Variants in SCAPER observed in about 807,000 individuals in gnomAD.
The protein encoded by SCAPER is S-phase cyclin A associated protein in the ER.
A neutral mutation model predicts 182.2 loss-of-function variants in SCAPER; 98 were observed. The ratio of observed to expected loss-of-function variants is 0.54; its 90% CI spans 0.46 to 0.64. SCAPER has a LOEUF of 0.64. Among genes scored for constraint, SCAPER ranks in the 30% least tolerant of loss-of-function variants. SCAPER has a pLI of 0.00. For missense variants in SCAPER, 1,432 were observed against 1,690.0 expected (o/e 0.85, Z 2.68); for synonymous variants, 605 against 564.6 (o/e 1.07, Z -1.01).
chr15:76,859,795 G>A (rs1385478653), intron 3 of SCAPER, among the ~76,000 whole-genome samples: 4 of 151,984 alleles, frequency 2.6e-5, no homozygotes, highest in Non-Finnish European at 4.4e-5. Flanking sequence ...GCAGTGGCGC[G>A]ATCTCGGCTC....
chr15:76,757,460 AC>A (rs2062514566), intron 14 of SCAPER, among the ~76,000 whole-genome samples: 3 of 148,806 alleles, frequency 2.0e-5, no homozygotes, highest in Admixed American at 2.0e-4. Context: ...ATATATACAC[AC>A]ACACACACAC....
intron 16 of SCAPER, 107 bp from the exon 17 acceptor site, chr15:76,728,844 C>G: frequency 8.3e-7 from 1 of 1,198,762 alleles, no homozygotes; most frequent in East Asian, 2.6e-5. Context: ...CAAGTAGAAA[C>G]ATGGGCTTGC....
chr15:76,705,763 T>C, intron 18 of SCAPER, 140 bp downstream of exon 18: 1 of 595,026 alleles, frequency 1.7e-6, no homozygotes, highest in South Asian at 2.7e-5. Context: ...AAGTTAGAAA[T>C]GATTGTAGCA....
intron 23 of SCAPER, among the ~76,000 whole-genome samples, chr15:76,562,652 C>T (rs1239120393): frequency 6.6e-6 from 1 of 152,164 alleles, no homozygotes; most frequent in Non-Finnish European, 1.5e-5. Flanking sequence ...AGCAACAAGA[C>T]TTTTATATAC....
At chr15:76,840,460 C>T (rs1038406731) in intron 5 of SCAPER, among the ~76,000 whole-genome samples, 2 of 150,114 alleles carry the variant, frequency 1.3e-5, no homozygotes, top group African/African-American at 4.9e-5. Context: ...ATAGTAACAA[C>T]ATTTAAGTGT....
chr15:76,505,139 A>C (rs895528297), intron 23 of SCAPER, among the ~76,000 whole-genome samples, 165 bp from the exon 24 acceptor site: 2 of 152,304 alleles, frequency 1.3e-5, no homozygotes, highest in Non-Finnish European at 2.9e-5. Flanking sequence ...AGTACTAGGA[A>C]ATATAGGTCA....
rs1192011833 is a variant in SCAPER, at chr15:76,357,817, G to A, written c.3856-3677C>T. On this transcript the variant is annotated intron_variant, in intron 29 of 31. Coordinates refer to ENST00000563290, the MANE Select transcript of SCAPER (RefSeq NM_020843.4). ...TGCAGCAACATGGATGGATCTGGAG[G>A]CCATTATCTTAAGTGAAATATTCAG... 2.0e-5 allele frequency among the ~76,000 whole-genome samples: 3 copies of A among 152,176 alleles called. No homozygotes were observed. In the East Asian group the frequency reaches 5.8e-4, roughly 29 times the overall value.
chr15:76,894,252 A>C (rs562295033), intron 1 of SCAPER, among the ~76,000 whole-genome samples: 1 of 60,130 alleles, frequency 1.7e-5, no homozygotes, highest in South Asian at 4.8e-4. Context: ...ATTTCAACTC[A>C]AAAAAAAAAA....
chr15:76,520,285 C>T lies in SCAPER; in HGVS notation c.2839-15311G>A, dbSNP rs1277790100. ...CCAAGCTGGAGTGCAGTGGTGTGAT[C>T]ATAGGTCACTGCAGCCTCCACCTCC... On this transcript the variant is annotated intron_variant, in intron 23 of 31. Transcript: ENST00000563290. 3.9e-5 allele frequency among the ~76,000 whole-genome samples: 6 copies of T among 152,162 alleles called. No homozygotes were observed. The South Asian group carries it at 1.2e-3, about 32-fold the overall frequency.
Position 76,866,242 on chromosome 15 carries a change from A to AGTGT in SCAPER, c.7-3713_7-3710dup, listed in dbSNP as rs375451190. On this transcript the variant is annotated intron_variant, in intron 2 of 31. Transcript: ENST00000563290. ...TCCTGTGAGACAGAGAGAGACACTGAGTGTGTGTGTGTGTGTGCGTGTGTG... is the reference window on the plus strand; with the variant it reads ...TCCTGTGAGACAGAGAGAGACACTGAGTGTGTGTGTGTGTGTGTGTGCGTGTGTG... Among the ~76,000 whole-genome samples the AGTGT allele has an allele frequency of 5.3e-3, 802 of 150,820 alleles. 2 individuals carry two copies. The highest frequency in any genetic ancestry group is 0.018 in the African/African-American group (738 of 41,222).
intron 14 of SCAPER, among the ~76,000 whole-genome samples, chr15:76,763,692 C>T (rs1356981245): frequency 2.0e-5 from 3 of 152,034 alleles, no homozygotes; most frequent in Non-Finnish European, 4.4e-5. Context: ...TTCCAAATGA[C>T]CTGTTTTCAA....
chr15:76,631,983 TTTTC>T (rs994879539), intron 21 of SCAPER, among the ~76,000 whole-genome samples: 2 of 152,172 alleles, frequency 1.3e-5, no homozygotes, highest in African/African-American at 2.4e-5. Context: ...TGTTTGTTCC[TTTTC>T]TTTCTTTTTT....
At chr15:76,454,405 G>A (rs1314053434) in intron 25 of SCAPER, among the ~76,000 whole-genome samples, 1 of 151,940 alleles carries the variant, frequency 6.6e-6, no homozygotes, top group Non-Finnish European at 1.5e-5. Context: ...TAATTTAACG[G>A]GAATAATATC....
At position 76,766,601 on chromosome 15, in the gene SCAPER, G is replaced by C. The variant is rs149215334; in HGVS notation, c.1419+317C>G. The stretch of plus-strand genomic sequence containing the variant: ...AATCCTACCGCCTTGGCCTCCCAAA[G>C]TGCTGGGATTACAGGCATGTGGCAC... On this transcript the variant is annotated intron_variant, in intron 11 of 31. Transcript: ENST00000563290. 9.4e-3 allele frequency among the ~76,000 whole-genome samples: 1,430 copies of C among 152,176 alleles called. 18 individuals carry two copies. Among genetic ancestry groups the C allele is most frequent in the African/African-American group, 0.033 (1,354 of 41,504 alleles).
intron 22 of SCAPER, 87 bp downstream of exon 22, chr15:76,621,677 T>C: frequency 9.4e-7 from 1 of 1,067,672 alleles, no homozygotes; most frequent in Non-Finnish European, 1.4e-6. Context: ...CAAAGAACCT[T>C]ATTACAGACA....
chr15:76,683,677 T>C (rs1216170788), intron 20 of SCAPER, among the ~76,000 whole-genome samples: 2 of 151,684 alleles, frequency 1.3e-5, no homozygotes, highest in Non-Finnish European at 2.9e-5. Context: ...ACAGATCACT[T>C]ACAAAAGGAA....
At chr15:76,672,025 T>C (rs2057055146) in intron 20 of SCAPER, among the ~76,000 whole-genome samples, 1 of 152,090 alleles carries the variant, frequency 6.6e-6, no homozygotes, top group Admixed American at 6.6e-5. Flanking sequence ...ATCTGACTAG[T>C]GGAGGGCAGC....
intron 27 of SCAPER, among the ~76,000 whole-genome samples, chr15:76,384,494 TCTC>T (rs536158326): frequency 4.3e-4 from 65 of 152,288 alleles, no homozygotes; most frequent in African/African-American, 1.5e-3. Flanking sequence ...GAACATCTCC[TCTC>T]CTGCACCATT....
intron 1 of SCAPER, among the ~76,000 whole-genome samples, chr15:76,886,703 T>C (rs1453344028): frequency 1.3e-5 from 2 of 152,190 alleles, no homozygotes; most frequent in African/African-American, 4.8e-5. Flanking sequence ...CATACACCTG[T>C]ATGCGCATTG....
Sources: allele counts gnomAD v4.1 joint callset (sites outside exome capture counted in the v4.1 genomes callset), GRCh38; gene constraint gnomAD v4.1.1; transcripts MANE v1.5; gene names NCBI Gene and HGNC (gene_info 2026-07-23, HGNC 2026-07-21).